EPHA6: variants seen among roughly 807,000 people sequenced by gnomAD.
EPHA6 encodes the protein ephrin type-A receptor 6.
Under a neutral mutation model 112.0 loss-of-function variants are expected in EPHA6, and 50 were observed. The ratio of observed to expected loss-of-function variants is 0.45; its 90% CI spans 0.36 to 0.56. The LOEUF (loss-of-function observed/expected upper bound fraction) is 0.56, where lower values mean the gene tolerates loss of function less well. EPHA6 is among the 20% of genes least tolerant of loss of function. The pLI, the probability that EPHA6 is intolerant of heterozygous loss-of-function variation, is 0.00. For missense variants in EPHA6, 1,280 were observed against 1,417.4 expected, an observed-to-expected ratio of 0.90 and a Z score of 1.56; for synonymous variants, 529 against 490.7, an observed-to-expected ratio of 1.08 and a Z score of -1.03.
At chr3:97,063,060 G>A (rs1482101160) in intron 3 of EPHA6, among the ~76,000 whole-genome samples, 1 of 152,092 alleles carries the variant, frequency 6.6e-6, no homozygotes, top group African/African-American at 2.4e-5. Context: ...ACAGATGCTG[G>A]CGAAGTTGTG....
chr3:97,466,605 C>T, intron 7 of EPHA6: 1 of 642,970 alleles, frequency 1.6e-6, no homozygotes, highest in Non-Finnish European at 2.8e-6. Flanking sequence ...CTTCAGTATT[C>T]TCATGTATTT....
chr3:97,719,562 AGT>A (rs1185090278), intron 14 of EPHA6, among the ~76,000 whole-genome samples: 2 of 152,248 alleles, frequency 1.3e-5, no homozygotes, highest in Non-Finnish European at 2.9e-5. Flanking sequence ...ATAAAATTTA[AGT>A]GTAATACAAT....
At chr3:97,364,070 G>A (rs2084568699) in intron 5 of EPHA6, among the ~76,000 whole-genome samples, 2 of 152,052 alleles carry the variant, frequency 1.3e-5, no homozygotes, top group African/African-American at 4.8e-5. Flanking sequence ...AAAATGTTCT[G>A]GAGATAGATA....
chr3:97,328,803 C>G (rs112449411), intron 5 of EPHA6, among the ~76,000 whole-genome samples: 5,688 of 151,860 alleles, frequency 0.037, 311 homozygotes, highest in African/African-American at 0.12. Context: ...TTCTACTGTG[C>G]TATTTTTCTT....
intron 2 of EPHA6, among the ~76,000 whole-genome samples, chr3:96,888,149 C>T (rs567406900): frequency 3.3e-5 from 5 of 152,252 alleles, no homozygotes; most frequent in South Asian, 4.1e-4. Flanking sequence ...GTTCAGCTAG[C>T]GTTTTCCTTC....
intron 2 of EPHA6, among the ~76,000 whole-genome samples, chr3:96,981,990 C>T (rs1057222965): frequency 1.3e-5 from 2 of 151,932 alleles, no homozygotes; most frequent in African/African-American, 2.4e-5. Context: ...TTTTGTTGAT[C>T]TTTTCAAAAA....
At chr3:97,009,236 G>T (rs1306178847) in intron 3 of EPHA6, among the ~76,000 whole-genome samples, 1 of 152,140 alleles carries the variant, frequency 6.6e-6, no homozygotes, top group East Asian at 1.9e-4. Flanking sequence ...GCTCTACAGA[G>T]ACCGTTGGCC....
intron 1 of EPHA6, among the ~76,000 whole-genome samples, chr3:96,834,924 TATA>T (rs943543413): frequency 3.3e-5 from 5 of 152,048 alleles, no homozygotes; most frequent in Admixed American, 2.6e-4. Context: ...ATACAACAAT[TATA>T]ATAATAATGG....
intron 3 of EPHA6, among the ~76,000 whole-genome samples, chr3:97,106,745 C>T (rs1013407590): frequency 2.6e-5 from 4 of 152,126 alleles, no homozygotes; most frequent in African/African-American, 9.7e-5. Flanking sequence ...AACACAGGCT[C>T]ACTGAGACTT....
chr3:97,052,603 G>T (rs201828914), intron 3 of EPHA6, among the ~76,000 whole-genome samples: 1 of 152,066 alleles, frequency 6.6e-6, no homozygotes, highest in African/African-American at 2.4e-5. Context: ...GTGTGTTTTG[G>T]TCTTTTAAGT....
Position 97,048,971 on chromosome 3 carries a change from C to T in EPHA6, c.1114+60978C>T, listed in dbSNP as rs76771373. Among the ~76,000 whole-genome samples, 12 of 152,166 alleles carry T rather than the reference C, an allele frequency of 7.9e-5. No individual in the cohort carries two copies. In the East Asian group the frequency reaches 1.7e-3, roughly 22 times the overall value. On this transcript the variant is annotated intron_variant, in intron 3 of 17. Transcript: ENST00000389672. ...TGAAGATGATATTTAAGTAAAGACACGAAGGAGGTGAGGGAGTCCCCTGGG... is the reference window on the plus strand; with the variant it reads ...TGAAGATGATATTTAAGTAAAGACATGAAGGAGGTGAGGGAGTCCCCTGGG...
At chr3:97,248,406 G>T (rs1157582421) in intron 5 of EPHA6, among the ~76,000 whole-genome samples, 1 of 152,032 alleles carries the variant, frequency 6.6e-6, no homozygotes, top group Non-Finnish European at 1.5e-5. Context: ...AAGGTGTGTA[G>T]TTCAGTAAAA....
chr3:97,131,391 A>T (rs2075613707), intron 3 of EPHA6, among the ~76,000 whole-genome samples: 1 of 152,164 alleles, frequency 6.6e-6, no homozygotes, highest in African/African-American at 2.4e-5. Context: ...AGGTGTACTT[A>T]CAATATTCCT....
At chr3:97,440,073 G>A (rs1480449684) in intron 6 of EPHA6, among the ~76,000 whole-genome samples, 1 of 152,018 alleles carries the variant, frequency 6.6e-6, no homozygotes, top group African/African-American at 2.4e-5. Context: ...CATTTTTCAG[G>A]AAATTGCAGC....
chr3:97,047,499 C>CAAAAAAAA (rs556388538), intron 3 of EPHA6, among the ~76,000 whole-genome samples: 6 of 46,434 alleles, frequency 1.3e-4, no homozygotes, highest in African/African-American at 2.7e-4. Context: ...GACTCTGTCT[C>CAAAAAAAA]AAAAAAAAAA....
At chr3:97,326,619 G>A (rs2082435907) in intron 5 of EPHA6, among the ~76,000 whole-genome samples, 1 of 152,026 alleles carries the variant, frequency 6.6e-6, no homozygotes, top group Non-Finnish European at 1.5e-5. Flanking sequence ...ATAACTTGAA[G>A]CAGAAATATG....
At chr3:97,135,275 G>A (rs7620542) in intron 3 of EPHA6, among the ~76,000 whole-genome samples, 38,504 of 152,040 alleles carry the variant, frequency 0.25, 7,492 homozygotes, top group African/African-American at 0.53. Flanking sequence ...CTTGAGAAAA[G>A]TCACTTAATT....
chr3:97,717,154 C>G (rs1326916077), intron 14 of EPHA6, among the ~76,000 whole-genome samples: 1 of 150,642 alleles, frequency 6.6e-6, no homozygotes, highest in Non-Finnish European at 1.5e-5. Flanking sequence ...TTTCTTGAAC[C>G]CAGGAGGCAG....
chr3:96,904,088 C>T (rs28767556), intron 2 of EPHA6, among the ~76,000 whole-genome samples: 2,741 of 151,994 alleles, frequency 0.018, 70 homozygotes, highest in African/African-American at 0.05. Flanking sequence ...ACCATTTGAC[C>T]CAGCCATCCC....
Sources: gnomAD v4.1 joint callset for allele counts (sites outside exome capture counted in the v4.1 genomes callset) on GRCh38, gnomAD v4.1.1 for gene constraint, MANE v1.5 for transcripts, NCBI Gene and HGNC (gene_info 2026-07-23, HGNC 2026-07-21) for gene names.